SPTB: variants seen among roughly 807,000 people sequenced by gnomAD.
SPTB encodes spectrin beta, erythrocytic.
SPTB carries 45 observed loss-of-function variants against 256.2 expected under a neutral mutation model. That is an observed-to-expected ratio of 0.18 (90% CI 0.14 to 0.23). The LOEUF (loss-of-function observed/expected upper bound fraction) is 0.23. Among genes scored for constraint, SPTB ranks in the 10% least tolerant of loss-of-function variants. The pLI is 1.00. For missense variants in SPTB, 2,715 were observed against 3,040.4 expected (o/e 0.89, Z 2.52); for synonymous variants, 1,231 against 1,243.1 (o/e 0.99, Z 0.21).
At position 64,801,816 on chromosome 14, in the gene SPTB, G is replaced by C; in HGVS notation, c.585C>G (p.Val195=). ...MKTAGYPHVN[V]TNFTSSWKDG... ...CCTTCCAGCTGGAGGTAAAGTTGGT[G>C]ACATTAACATGAGGGTAGCTGCATC... Residue 195 remains valine, a synonymous_variant, in exon 6 of 36, where the codon GTC becomes GTG. Coordinates refer to ENST00000644917, the MANE Select transcript of SPTB (RefSeq NM_001355436.2). The C allele has an allele frequency of 1.2e-6, 2 of 1,614,204 alleles. No homozygotes were observed. Among genetic ancestry groups the C allele is most frequent in the Non-Finnish European group, 1.7e-6 (2 of 1,180,030 alleles).
rs2083653221 is a variant in SPTB, at chr14:64,844,249, T to C, written c.-51-21104A>G. 6.6e-6 allele frequency among the ~76,000 whole-genome samples: 1 copy of C among 152,164 alleles called. No individual in the cohort carries two copies. The highest frequency in any genetic ancestry group is 2.4e-5 in the African/African-American group (1 of 41,422). ...CTGTCTTTATTATTATAGTTACCCT[T>C]GACTGCCAGCAAATGCACGTCCTCA... is the stretch of plus-strand genomic sequence containing the variant. On this transcript the variant is annotated intron_variant, in intron 1 of 35. Coordinates refer to ENST00000644917, the MANE Select transcript of SPTB (RefSeq NM_001355436.2). This position sits in a 1 kb window ranked among gnomAD's most constrained non-coding sequence, Gnocchi z 4.1.
At chr14:64,846,623 AAGAC>A (rs2083697023) in intron 1 of SPTB, among the ~76,000 whole-genome samples, 2 of 152,248 alleles carry the variant, frequency 1.3e-5, no homozygotes, top group Non-Finnish European at 2.9e-5. Flanking sequence ...GTGGGCAAGA[AAGAC>A]AGTGTCTCCC....
intron 1 of SPTB, among the ~76,000 whole-genome samples, chr14:64,876,637 G>A (rs565446900): frequency 1.3e-5 from 2 of 152,198 alleles, no homozygotes; most frequent in East Asian, 3.9e-4. Context: ...TATAACTATT[G>A]TTTTAAAATG....
rs1300463713 is a variant in SPTB, at chr14:64,802,205, C to T, written c.566+21G>A. The T allele has an allele frequency of 1.2e-6, 2 of 1,612,326 alleles. No homozygotes were observed. Among genetic ancestry groups the T allele is most frequent in the South Asian group, 1.1e-5 (1 of 91,030 alleles). On this transcript the variant is annotated intron_variant, in intron 5 of 35. Transcript: ENST00000644917. The surrounding 1 kb of genome is among the most constrained non-coding windows in gnomAD (Gnocchi z 5.1). The stretch of plus-strand genomic sequence containing the variant: ...AAGGGGCTGGTGGTGGATGTGCTAA[C>T]AGCTGGTTCCCAGGGCATACCCTGC...
intron 33 of SPTB, chr14:64,752,112 A>G: frequency 1.7e-6 from 2 of 1,196,034 alleles, no homozygotes; most frequent in South Asian, 2.6e-5. Flanking sequence ...AAAACAAAAC[A>G]AAACACAAAA....
rs1594793421 is a variant in SPTB at position 64,802,414 on chromosome 14, C to T, written c.475-97G>A. ...GAGGCTCCCTCCCTCATCCCCCCTTCACTTAACACTAATTCATCCTTTAAG... is the reference window on the plus strand; with the variant it reads ...GAGGCTCCCTCCCTCATCCCCCCTTTACTTAACACTAATTCATCCTTTAAG... On this transcript the variant is annotated intron_variant, in intron 4 of 35. Transcript: ENST00000644917. This position sits in a 1 kb window ranked among gnomAD's most constrained non-coding sequence, Gnocchi z 5.1. 2 of 1,107,146 alleles carry T rather than the reference C, an allele frequency of 1.8e-6. No homozygotes were observed. Among genetic ancestry groups the T allele is most frequent in the South Asian group, 2.6e-5 (2 of 75,970 alleles). 68.6% of individuals were successfully genotyped at this position (1,107,146 alleles called of 1,614,324 possible). A position where few individuals can be genotyped will look rare whatever the true frequency, so the allele number is the denominator to read the frequency against.
intron 2 of SPTB, among the ~76,000 whole-genome samples, chr14:64,814,578 T>G (rs1297947430): frequency 1.3e-5 from 2 of 152,208 alleles, no homozygotes; most frequent in African/African-American, 4.8e-5. Context: ...TGCAGTTGTG[T>G]GATCTCAGCT....
rs1293691630 is a variant in SPTB, at chr14:64,793,089, G to A, written c.2574C>T (p.Asp858=). 56 of 1,613,994 alleles carry A rather than the reference G, an allele frequency of 3.5e-5. No homozygotes were observed. The highest frequency in any genetic ancestry group is 8.9e-5 in the East Asian group (4 of 44,894). Reference sequence around the variant, plus strand: ...TCTCTCCCATCCACAGCTCACAGGCGTCTGTCTCCCCGAACACCGTGTACA... The same window carrying A: ...TCTCTCCCATCCACAGCTCACAGGCATCTGTCTCCCCGAACACCGTGTACA... The part of the protein sequence containing the change: ...LDLYTVFGET[D]ACELWMGEKE... Residue 858 remains aspartate (D), a synonymous_variant, in exon 14 of 36, where the codon GAC becomes GAT. Coordinates refer to ENST00000644917, the MANE Select transcript of SPTB (RefSeq NM_001355436.2). This position sits in a 1 kb window ranked among gnomAD's most constrained non-coding sequence, Gnocchi z 7.0.
At chr14:64,797,009 T>C (rs2082783093) in intron 10 of SPTB, among the ~76,000 whole-genome samples, 1 of 152,210 alleles carries the variant, frequency 6.6e-6, no homozygotes, top group Non-Finnish European at 1.5e-5. Context: ...CAGTAAGTTC[T>C]TATTGACTAA....
intron 23 of SPTB, 48 bp from the exon 24 acceptor site, chr14:64,774,575 C>A: frequency 1.3e-6 from 2 of 1,550,748 alleles, no homozygotes; most frequent in South Asian, 2.4e-5. Flanking sequence ...TGGCCATGAT[C>A]CCTCCCTTGG....
In SPTB at chr14:64,772,538, C is replaced by T. The variant is rs2082292064; in HGVS notation, c.5553+42G>A. The T allele has an allele frequency of 4.4e-6, 7 of 1,597,600 alleles. No homozygotes were observed. The East Asian group carries it at 8.9e-5, about 20-fold the overall frequency. On this transcript the variant is annotated intron_variant, in intron 26 of 35. Transcript: ENST00000644917. This position sits in a 1 kb window ranked among gnomAD's most constrained non-coding sequence, Gnocchi z 5.4. The stretch of plus-strand genomic sequence containing the variant: ...AGGTGGGGACTGACACCCAGGGCTC[C>T]TGGAAATTGGTAGCAGGTGGGCGGC...
At chr14:64,811,999 A>G (rs896769868) in intron 2 of SPTB, among the ~76,000 whole-genome samples, 1 of 152,202 alleles carries the variant, frequency 6.6e-6, no homozygotes, top group Non-Finnish European at 1.5e-5. Context: ...AGATCTATTC[A>G]TACACTGGTA....
Position 64,852,972 on chromosome 14 carries a change from G to A in SPTB, c.-52+26820C>T, listed in dbSNP as rs2083810860. 6.6e-6 allele frequency among the ~76,000 whole-genome samples: 1 copy of A among 152,174 alleles called. No homozygotes were observed. Among genetic ancestry groups the A allele is most frequent in the South Asian group, 2.1e-4 (1 of 4,830 alleles). ...CTGCCGAGGAGACGTATAGGTACTA[G>A]GCAAGCATTAACAGGGAGGTTTTCA... is the stretch of plus-strand genomic sequence containing the variant. On this transcript the variant is annotated intron_variant, in intron 1 of 35. Transcript: ENST00000644917. The surrounding 1 kb of genome is among the most constrained non-coding windows in gnomAD (Gnocchi z 4.2).
rs768924942 is a variant in SPTB at position 64,784,268 on chromosome 14, C to A, written c.3981G>T (p.Gly1327=). 2.5e-5 allele frequency: 41 copies of A among 1,614,096 alleles called. No individual in the cohort carries two copies. The Admixed American group carries it at 6.7e-4, about 26-fold the overall frequency. The change falls in exon 19 of 36, where the codon GGG becomes GGT. Residue 1327 remains glycine (G), a synonymous_variant. Transcript: ENST00000644917. ...TTACCGCATCGATGTTCTCTAGCCA[C>A]CCTTCATGGGAAGCCAGCTCTGCCA... ...AFVAELASHE[G]WLENIDAEGK... is the part of the protein sequence containing the mutation.
rs767443825 is a variant in SPTB at position 64,793,533 on chromosome 14, C to A, written c.2130G>T (p.Gly710=). 1 of 1,614,162 alleles carries A rather than the reference C, an allele frequency of 6.2e-7. No homozygotes were observed. Among genetic ancestry groups the A allele is most frequent in the East Asian group, 2.2e-5 (1 of 44,876 alleles). ...TTATGCGGGCCTCGATCTGCGGGTG[C>A]CCAAACTGCTTGCGCGCAACCATGC... ...AHGMVARKQF[G]HPQIEARIKE... Residue 710 remains glycine, a synonymous_variant, in exon 14 of 36, where the codon GGG becomes GGT. Transcript: ENST00000644917. This position sits in a 1 kb window ranked among gnomAD's most constrained non-coding sequence, Gnocchi z 7.0.
At chr14:64,783,943 T>C (rs2082516496) in intron 19 of SPTB, among the ~76,000 whole-genome samples, 1 of 152,192 alleles carries the variant, frequency 6.6e-6, no homozygotes, top group Non-Finnish European at 1.5e-5. Context: ...GTGAAGGCAA[T>C]GGAAAGCAAA....
intron 33 of SPTB, among the ~76,000 whole-genome samples, chr14:64,750,820 T>A (rs1157811374): frequency 6.8e-6 from 1 of 147,010 alleles, no homozygotes; most frequent in African/African-American, 2.5e-5. Context: ...TATACTTTTA[T>A]TATATAATTT....
intron 33 of SPTB, among the ~76,000 whole-genome samples, chr14:64,753,030 C>T (rs181878876): frequency 2.0e-5 from 3 of 152,250 alleles, no homozygotes; most frequent in Non-Finnish European, 2.9e-5. Context: ...CTCTGGGGGG[C>T]AACTAGGCCA....
chr14:64,792,866 T>C lies in SPTB; in HGVS notation c.2666+131A>G. 1 of 1,306,382 alleles carries C rather than the reference T, an allele frequency of 7.7e-7. No homozygotes were observed. Among genetic ancestry groups the C allele is most frequent in the East Asian group, 2.4e-5 (1 of 41,000 alleles). 80.9% of individuals were successfully genotyped at this position (1,306,382 alleles called of 1,614,324 possible). Reference sequence around the variant, plus strand: ...AACTTATGACTCCTAATGCCAGGACTTTGCAACAAAGGACATCCCAGGGCC... The same window carrying C: ...AACTTATGACTCCTAATGCCAGGACCTTGCAACAAAGGACATCCCAGGGCC... On this transcript the variant is annotated intron_variant, in intron 14 of 35. Coordinates refer to ENST00000644917, the MANE Select transcript of SPTB (RefSeq NM_001355436.2). The surrounding 1 kb of genome is among the most constrained non-coding windows in gnomAD (Gnocchi z 4.2).
Sources: gnomAD v4.1 joint callset for allele counts (sites outside exome capture counted in the v4.1 genomes callset) on GRCh38, gnomAD v4.1.1 for gene constraint, Gnocchi (gnomAD v3.1) non-coding constraint, MANE v1.5 for transcripts, NCBI Gene and HGNC (gene_info 2026-07-23, HGNC 2026-07-21) for gene names.